SLC3A1: variants seen among roughly 807,000 people sequenced by gnomAD.
SLC3A1 encodes amino acid transporter heavy chain SLC3A1.
SLC3A1 carries 78 observed loss-of-function variants against 60.3 expected under a neutral mutation model. The observed-to-expected ratio is 1.29, with a 90% confidence interval of 1.08 to 1.56. The LOEUF is 1.56. SLC3A1 is among the 40% of genes most tolerant of loss of function. The probability of loss-of-function intolerance (pLI) is 0.00; values close to 1 mark genes in which losing one functional copy is unlikely to be tolerated. For synonymous variants in SLC3A1, 392 were observed against 307.9 expected (o/e 1.27, Z -2.86); for missense variants, 1,172 against 858.9 (o/e 1.36, Z -4.56).
intron 3 of SLC3A1, among the ~76,000 whole-genome samples, chr2:44,283,297 G>T (rs1438553374): frequency 6.6e-6 from 1 of 152,226 alleles, no homozygotes; most frequent in East Asian, 1.9e-4. Flanking sequence ...CATGCAGCCT[G>T]AGGAACAGGC....
chr2:44,297,138 T>C (rs1671871756), intron 4 of SLC3A1, among the ~76,000 whole-genome samples: 1 of 152,198 alleles, frequency 6.6e-6, no homozygotes, highest in Non-Finnish European at 1.5e-5. Context: ...TAGGTGAAAA[T>C]TGGCTGTTTA....
At chr2:44,303,809 C>T (rs140959072) in intron 6 of SLC3A1, 4,941 of 467,096 alleles carry the variant, frequency 0.011, 219 homozygotes, top group African/African-American at 0.088. Context: ...CAACTCCCAC[C>T]TATGAGTGAG....
intron 4 of SLC3A1, among the ~76,000 whole-genome samples, chr2:44,286,716 CTG>C (rs1311181071): frequency 8.2e-6 from 1 of 121,376 alleles, no homozygotes; most frequent in Non-Finnish European, 1.7e-5. Flanking sequence ...TGTGCGGTGT[CTG>C]TGACTGAGCT....
intron 7 of SLC3A1, among the ~76,000 whole-genome samples, chr2:44,309,615 T>G (rs1322107636): frequency 1.3e-5 from 2 of 152,234 alleles, no homozygotes; most frequent in Admixed American, 6.5e-5. Flanking sequence ...TGTTTTGTTT[T>G]TTGAGATGGA....
intron 8 of SLC3A1, among the ~76,000 whole-genome samples, chr2:44,313,327 T>G (rs1259743181): frequency 1.3e-5 from 2 of 152,208 alleles, no homozygotes; most frequent in Middle Eastern, 6.3e-3. Flanking sequence ...CTAGTTAGCT[T>G]TCAACTATAT....
At chr2:44,285,363 CAG>C (rs1365598759) in intron 3 of SLC3A1, 1 of 229,138 alleles carries the variant, frequency 4.4e-6, no homozygotes, top group Non-Finnish European at 8.9e-6. Context: ...AGGCCTAGGA[CAG>C]AGCCCCATGA....
chr2:44,319,999 C>T (rs1672786738), intron 9 of SLC3A1, 200 bp from the exon 10 acceptor site: 2 of 576,472 alleles, frequency 3.5e-6, no homozygotes, highest in Non-Finnish European at 3.1e-6. Context: ...CCCAGACAAG[C>T]CGAAACCCCG....
intron 6 of SLC3A1, 69 bp downstream of exon 6, chr2:44,301,196 C>G: frequency 6.3e-7 from 1 of 1,587,508 alleles, no homozygotes; most frequent in Non-Finnish European, 8.6e-7. Context: ...TCCCTCACAA[C>G]CAAGTGTATT....
chr2:44,283,629 A>G lies in SLC3A1; in HGVS notation c.765+2088A>G, dbSNP rs535817647. On this transcript the variant is annotated intron_variant, in intron 3 of 9. Transcript: ENST00000260649. The stretch of plus-strand genomic sequence containing the variant: ...TATATCATTTCTTGCTTATAGAATG[A>G]TCACAGCTGCCTTGTGATCCAGTTT... Among the ~76,000 whole-genome samples the G allele has an allele frequency of 7.2e-5, 11 of 152,248 alleles. No homozygotes were observed. In the South Asian group the frequency reaches 2.3e-3, roughly 32 times the overall value.
At chr2:44,311,094 C>A (rs999284045) in intron 7 of SLC3A1, among the ~76,000 whole-genome samples, 9 of 152,028 alleles carry the variant, frequency 5.9e-5, no homozygotes, top group Admixed American at 2.6e-4. Flanking sequence ...AGTGCCTGGC[C>A]TCATTCTTCT....
intron 7 of SLC3A1, among the ~76,000 whole-genome samples, chr2:44,309,137 A>C (rs1672230226): frequency 6.6e-6 from 1 of 152,206 alleles, no homozygotes; most frequent in South Asian, 2.1e-4. Context: ...AAAATGTTGT[A>C]CAACCATCAC....
At chr2:44,301,331 T>G in intron 6 of SLC3A1, 1 of 681,154 alleles carries the variant, frequency 1.5e-6, no homozygotes, top group Non-Finnish European at 2.6e-6. Flanking sequence ...TCCTCTTTTG[T>G]AAAATGATGC....
At chr2:44,313,701 A>G in intron 8 of SLC3A1, 134 bp from the exon 9 acceptor site, 1 of 802,280 alleles carries the variant, frequency 1.2e-6, no homozygotes, top group Non-Finnish European at 2.2e-6. Flanking sequence ...AGGCCTTTTC[A>G]TCACAAATGC....
At chr2:44,298,630 G>A (rs1269909087) in intron 4 of SLC3A1, among the ~76,000 whole-genome samples, 2 of 152,130 alleles carry the variant, frequency 1.3e-5, no homozygotes, top group Non-Finnish European at 2.9e-5. Context: ...CACTTGCCTC[G>A]GCCTCCCAAA....
intron 7 of SLC3A1, among the ~76,000 whole-genome samples, chr2:44,305,096 A>C (rs1017876989): frequency 3.9e-5 from 6 of 152,094 alleles, no homozygotes; most frequent in Non-Finnish European, 7.4e-5. Flanking sequence ...TGGTCTCCCA[A>C]AGTGCTGGGA....
intron 4 of SLC3A1, among the ~76,000 whole-genome samples, chr2:44,286,534 CGGTG>C (rs1671616325): frequency 9.6e-6 from 1 of 103,894 alleles, no homozygotes; most frequent in African/African-American, 3.2e-5. Context: ...GTGCCTGTGA[CGGTG>C]AGCTGTGCGG....
intron 6 of SLC3A1, among the ~76,000 whole-genome samples, chr2:44,302,652 C>T (rs552390819): frequency 6.6e-6 from 1 of 152,158 alleles, no homozygotes; most frequent in African/African-American, 2.4e-5. Context: ...ATGTGTCTTC[C>T]CCCAGGGTTT....
intron 4 of SLC3A1, among the ~76,000 whole-genome samples, chr2:44,296,620 A>G (rs188102950): frequency 7.9e-5 from 12 of 152,310 alleles, no homozygotes; most frequent in Non-Finnish European, 1.2e-4. Flanking sequence ...CTTAAAGTGA[A>G]TTGACAGGAG....
intron 7 of SLC3A1, among the ~76,000 whole-genome samples, chr2:44,308,788 A>C (rs1223683062): frequency 1.3e-5 from 2 of 151,002 alleles, no homozygotes; most frequent in Non-Finnish European, 2.9e-5. Context: ...GCTGGAGTGC[A>C]GTGGTGTGAT....
Sources: allele counts gnomAD v4.1 joint callset (sites outside exome capture counted in the v4.1 genomes callset), GRCh38; gene constraint gnomAD v4.1.1; transcripts MANE v1.5; gene names NCBI Gene and HGNC (gene_info 2026-07-23, HGNC 2026-07-21).